The following CSMD1 variants were observed in gnomAD, a reference collection of about 807,000 sequenced individuals.
CSMD1 encodes the protein CUB and sushi domain-containing protein 1.
CSMD1 carries 213 observed loss-of-function variants against 417.5 expected under a neutral mutation model. That is an observed-to-expected ratio of 0.51 (90% CI 0.46 to 0.57). The LOEUF is 0.57. CSMD1 is among the 20% of genes least tolerant of loss of function. The pLI is 0.00. For synonymous variants in CSMD1, 2,862 were observed against 1,736.8 expected, an observed-to-expected ratio of 1.65 and a Z score of -16.11; for missense variants, 6,923 against 4,529.7, an observed-to-expected ratio of 1.53 and a Z score of -15.17.
intron 7 of CSMD1, among the ~76,000 whole-genome samples, chr8:3,650,872 G>A (rs890158794): frequency 1.3e-5 from 2 of 151,990 alleles, no homozygotes; most frequent in African/African-American, 4.8e-5. Context: ...CTATGACTAT[G>A]TAACATCTCT....
intron 27 of CSMD1, among the ~76,000 whole-genome samples, chr8:3,224,792 G>A (rs2028743): frequency 0.27 from 41,392 of 152,074 alleles, 5,787 homozygotes; most frequent in East Asian, 0.31. Flanking sequence ...AAAGTATTTA[G>A]GATTGTTTTA....
chr8:4,656,387 C>T (rs141709979), intron 1 of CSMD1, among the ~76,000 whole-genome samples: 8 of 152,120 alleles, frequency 5.3e-5, no homozygotes, highest in African/African-American at 1.7e-4. Flanking sequence ...AGATTTTAAT[C>T]TCAGTAAAGT....
At position 4,471,141 on chromosome 8, in the gene CSMD1, C is replaced by T. The variant is rs1204610209; in HGVS notation, c.303-51076G>A. Among the ~76,000 whole-genome samples, 5 of 152,218 alleles carry T rather than the reference C, an allele frequency of 3.3e-5. No homozygotes were observed. The East Asian group carries it at 9.7e-4, about 29-fold the overall frequency. The stretch of plus-strand genomic sequence containing the variant: ...TTTTTAAAATTATCCTTCAACAGAA[C>T]AGAACCATTATCACATGCCAGGCCT... On this transcript the variant is annotated intron_variant, in intron 2 of 69. Transcript: ENST00000635120.
At chr8:4,616,357 C>A (rs553862188) in intron 2 of CSMD1, among the ~76,000 whole-genome samples, 3 of 152,298 alleles carry the variant, frequency 2.0e-5, no homozygotes, top group South Asian at 4.1e-4. Flanking sequence ...CTCAAGAACT[C>A]TGAGGTCACA....
At chr8:3,939,605 T>C in intron 5 of CSMD1, among the ~76,000 whole-genome samples, 1 of 151,982 alleles carries the variant, frequency 6.6e-6, no homozygotes, top group Non-Finnish European at 1.5e-5. Flanking sequence ...TCTAATAACA[T>C]GGAAGCAATG....
chr8:3,951,406 G>C (rs1222568490), intron 5 of CSMD1, among the ~76,000 whole-genome samples: 1 of 152,184 alleles, frequency 6.6e-6, no homozygotes, highest in African/African-American at 2.4e-5. Flanking sequence ...AGGCATTTGG[G>C]GCAGAATGTA....
intron 8 of CSMD1, among the ~76,000 whole-genome samples, chr8:3,602,825 A>G (rs974623519): frequency 2.0e-5 from 3 of 152,132 alleles, no homozygotes; most frequent in African/African-American, 4.8e-5. Flanking sequence ...TCTGATGATC[A>G]TGACAAACTG....
chr8:3,376,406 A>G (rs1810304454), intron 18 of CSMD1, among the ~76,000 whole-genome samples: 2 of 152,098 alleles, frequency 1.3e-5, no homozygotes, highest in Admixed American at 6.5e-5. Flanking sequence ...TTGTTTTTAA[A>G]GCTTTCTATT....
In CSMD1 at chr8:3,475,062, C is replaced by T. The variant is rs541886144; in HGVS notation, c.1449-6238G>A. ...CCCATTCTCCAGAATGATGGCATTT[C>T]TCCGTTCCCAGGGCTTTGCAAACCC... On this transcript the variant is annotated intron_variant, in intron 11 of 69. Transcript: ENST00000635120. Among the ~76,000 whole-genome samples, 16 of 152,258 alleles carry T rather than the reference C, an allele frequency of 1.1e-4. No individual in the cohort carries two copies. In the South Asian group the frequency reaches 3.1e-3, roughly 30 times the overall value.
rs545435401 is a variant in CSMD1 at position 4,764,862 on chromosome 8, G to C, written c.86-127304C>G. Among the ~76,000 whole-genome samples the C allele has an allele frequency of 2.2e-4, 13 of 58,916 alleles. No individual in the cohort carries two copies. The East Asian group carries it at 2.5e-3, about 11-fold the overall frequency. 38.7% of individuals were successfully genotyped at this position (58,916 alleles called of 152,430 possible). ...CACTCCAGCCTGGGCGACAGAGCGA[G>C]ACTCCATCTCAAAAAAAAAAAAAAA... is the stretch of plus-strand genomic sequence containing the variant. On this transcript the variant is annotated intron_variant, in intron 1 of 69. Transcript: ENST00000635120.
chr8:4,012,584 C>T (rs1796320861), intron 4 of CSMD1, among the ~76,000 whole-genome samples: 1 of 152,026 alleles, frequency 6.6e-6, no homozygotes, highest in Admixed American at 6.6e-5. Context: ...CTCCTTCCTC[C>T]CCTCAGTAGG....
chr8:3,800,615 G>A (rs771692942), intron 5 of CSMD1, among the ~76,000 whole-genome samples: 2 of 152,098 alleles, frequency 1.3e-5, no homozygotes, highest in Non-Finnish European at 2.9e-5. Flanking sequence ...TGTCAGTGTT[G>A]GGCCTAGAAG....
At position 4,563,205 on chromosome 8, in the gene CSMD1, T is replaced by C. The variant is rs550987593; in HGVS notation, c.302+74137A>G. Among the ~76,000 whole-genome samples, 613 of 152,034 alleles carry C rather than the reference T, an allele frequency of 4.0e-3. 3 individuals are homozygous for C. The highest frequency in any genetic ancestry group is 0.01 in the Middle Eastern group (3 of 294). ...TCACGAGGTCAGGAGATTGAGACCA[T>C]CCTGGCTAACACGGTGAAACCCCGT... On this transcript the variant is annotated intron_variant, in intron 2 of 69. Coordinates refer to ENST00000635120, the MANE Select transcript of CSMD1 (RefSeq NM_033225.6).
chr8:4,197,157 G>A (rs1265684528), intron 3 of CSMD1, among the ~76,000 whole-genome samples: 3 of 152,288 alleles, frequency 2.0e-5, no homozygotes, highest in East Asian at 1.9e-4. Context: ...GTTATCACCT[G>A]TTCTCCTACG....
chr8:4,087,180 G>A (rs1179630622), intron 3 of CSMD1, among the ~76,000 whole-genome samples: 6 of 152,124 alleles, frequency 3.9e-5, no homozygotes, highest in Non-Finnish European at 5.9e-5. Context: ...TCCTTTCAGG[G>A]CATCTCAGCA....
chr8:3,950,686 T>A (rs564005155), intron 5 of CSMD1, among the ~76,000 whole-genome samples: 30 of 152,348 alleles, frequency 2.0e-4, no homozygotes, highest in Non-Finnish European at 3.5e-4. Flanking sequence ...ACTTTAATAA[T>A]GCATTATGGA....
chr8:4,954,445 G>A (rs746186850), intron 1 of CSMD1, among the ~76,000 whole-genome samples: 1 of 152,102 alleles, frequency 6.6e-6, no homozygotes, highest in Non-Finnish European at 1.5e-5. Context: ...TTGTATAGCT[G>A]ACACCATTTA....
chr8:3,244,909 C>T (rs931802296), intron 26 of CSMD1, among the ~76,000 whole-genome samples: 7 of 152,168 alleles, frequency 4.6e-5, no homozygotes, highest in South Asian at 2.1e-4. Context: ...ACCCCAAGGG[C>T]GCTGAGAAGT....
chr8:4,406,449 CT>C (rs1322455764), intron 3 of CSMD1, among the ~76,000 whole-genome samples: 138 of 152,304 alleles, frequency 9.1e-4, no homozygotes, highest in African/African-American at 3.2e-3. Context: ...TTTCAAATTT[CT>C]GATAAATCTA....
Sources: allele counts gnomAD v4.1 joint callset (sites outside exome capture counted in the v4.1 genomes callset), GRCh38; gene constraint gnomAD v4.1.1; transcripts MANE v1.5; gene names NCBI Gene and HGNC (gene_info 2026-07-23, HGNC 2026-07-21).